Variants in IGSF10 observed in about 807,000 individuals in gnomAD.
IGSF10 encodes the protein calvaria mechanical force protein 608.
Under a neutral mutation model 128.2 loss-of-function variants are expected in IGSF10, and 126 were observed. That is an observed-to-expected ratio of 0.98 (90% confidence interval 0.85 to 1.14). The LOEUF (loss-of-function observed/expected upper bound fraction) is 1.14, where lower values mean the gene tolerates loss of function less well. IGSF10 is among the 50% of genes most tolerant of loss of function. The pLI, the probability that IGSF10 is intolerant of heterozygous loss-of-function variation, is 0.00. For synonymous variants in IGSF10, 1,185 were observed against 1,146.2 expected (o/e 1.03, Z -0.68); for missense variants, 3,295 against 3,149.8 (o/e 1.05, Z -1.10).
intron 7 of IGSF10, among the ~76,000 whole-genome samples, chr3:151,440,933 A>G (rs16863393): frequency 0.15 from 22,262 of 152,230 alleles, 1,777 homozygotes; most frequent in Middle Eastern, 0.2. Context: ...ATTCTGCTTC[A>G]ATAGGTCTCG....
Position 151,457,056 on chromosome 3 carries a change from G to A in IGSF10, c.294C>T (p.Asp98=), listed in dbSNP as rs768339005. The part of the protein sequence containing the change: ...LHSNGIHTIP[D]KTFSDLQALQ... The stretch of plus-strand genomic sequence containing the variant: ...AGGCCTGCAAATCTGAGAAGGTCTT[G>A]TCAGGGATTGTGTGAATGCCATTGC... Residue 98 remains aspartate (D), a synonymous_variant, in exon 4 of 8, where the codon GAC becomes GAT. Coordinates refer to ENST00000282466, the MANE Select transcript of IGSF10 (RefSeq NM_178822.5). 3 of 1,614,152 alleles carry A rather than the reference G, an allele frequency of 1.9e-6. No individual in the cohort carries two copies. In the South Asian group the frequency reaches 3.3e-5, roughly 18 times the overall value.
chr3:151,442,892 C>T (rs1287056930), intron 7 of IGSF10, 92 bp downstream of exon 7: 45 of 1,146,038 alleles, frequency 3.9e-5, no homozygotes, highest in Non-Finnish European at 5.1e-5. Context: ...TCTAAAACTG[C>T]TGCTAGCCTC....
At chr3:151,510,098 G>A in the IGSF10 span, among the ~76,000 whole-genome samples, 1 of 152,210 alleles carries the variant, frequency 6.6e-6, no homozygotes, top group Non-Finnish European at 1.5e-5. Flanking sequence ...AGACTTAAAT[G>A]TCCCTGTCTG....
chr3:151,569,447 A>C, the IGSF10 span, among the ~76,000 whole-genome samples: 26 of 152,276 alleles, frequency 1.7e-4, no homozygotes, highest in Middle Eastern at 0.01. Flanking sequence ...GGATTGTAGG[A>C]AATGTAGTTC....
chr3:151,498,881 C>T, the IGSF10 span, among the ~76,000 whole-genome samples: 1 of 152,004 alleles, frequency 6.6e-6, no homozygotes, highest in Non-Finnish European at 1.5e-5. Context: ...AAGTTTCGCT[C>T]AATACAGGAT....
upstream of IGSF10, among the ~76,000 whole-genome samples, chr3:151,462,333 C>A (rs1298867996): frequency 6.6e-6 from 1 of 152,134 alleles, no homozygotes; most frequent in Non-Finnish European, 1.5e-5. Flanking sequence ...CCATCCCAGA[C>A]CCACTGATTC....
chr3:151,528,659 T>C, the IGSF10 span, among the ~76,000 whole-genome samples: 3 of 152,194 alleles, frequency 2.0e-5, no homozygotes, highest in East Asian at 3.9e-4. Flanking sequence ...CCGGGAGGAA[T>C]GGTACCCAGA....
chr3:151,505,314 GCCCTTTATAAAA>G, the IGSF10 span, among the ~76,000 whole-genome samples: 70 of 152,208 alleles, frequency 4.6e-4, no homozygotes, highest in African/African-American at 1.7e-3. Context: ...GAAGGGGGAA[GCCCTTTATAAAA>G]CCATCAGATC....
the IGSF10 span, among the ~76,000 whole-genome samples, chr3:151,488,927 GACTGACACACAAAAAGCAATGGCAACAA>G: frequency 6.6e-6 from 1 of 152,188 alleles, no homozygotes; most frequent in Non-Finnish European, 1.5e-5. Flanking sequence ...AAGACTTCAT[GACTGACACACAAAAAGCAATGGCAACAA>G]AAGCCAAAAT....
At chr3:151,528,709 G>A in the IGSF10 span, among the ~76,000 whole-genome samples, 2 of 152,138 alleles carry the variant, frequency 1.3e-5, no homozygotes, top group Non-Finnish European at 2.9e-5. Context: ...GGCAGACCAG[G>A]AGATTCCCTC....
chr3:151,526,377 A>G, the IGSF10 span, among the ~76,000 whole-genome samples: 1 of 150,126 alleles, frequency 6.7e-6, no homozygotes, highest in African/African-American at 2.4e-5. Context: ...AATCTTTAGT[A>G]TATTTCAGCG....
At chr3:151,563,697 C>T in the IGSF10 span, among the ~76,000 whole-genome samples, 1 of 151,806 alleles carries the variant, frequency 6.6e-6, no homozygotes, top group Non-Finnish European at 1.5e-5. Context: ...GTTGAATTTG[C>T]AGCGTTTAAA....
the IGSF10 span, among the ~76,000 whole-genome samples, chr3:151,557,366 C>T: frequency 5.9e-5 from 9 of 152,126 alleles, no homozygotes; most frequent in African/African-American, 2.2e-4. Context: ...GTGGTGCCAA[C>T]TCCAGTCTTC....
chr3:151,478,490 A>G, the IGSF10 span, among the ~76,000 whole-genome samples: 1 of 152,358 alleles, frequency 6.6e-6, no homozygotes, highest in African/African-American at 2.4e-5. Flanking sequence ...TTTCTTGTGC[A>G]GTATTCCATG....
At chr3:151,612,360 C>T in the IGSF10 span, among the ~76,000 whole-genome samples, 6 of 152,306 alleles carry the variant, frequency 3.9e-5, no homozygotes, top group African/African-American at 9.6e-5. Context: ...TCATAAAGGA[C>T]GTCTCATTGT....
At chr3:151,467,245 C>G in the IGSF10 span, among the ~76,000 whole-genome samples, 1 of 152,168 alleles carries the variant, frequency 6.6e-6, no homozygotes, top group Non-Finnish European at 1.5e-5. Context: ...ATTACCCTTT[C>G]ACCCTGAAGA....
Position 151,457,086 on chromosome 3 carries a change from A to G in IGSF10, c.264T>C (p.Leu88=). Residue 88 remains leucine (L), a synonymous_variant, in exon 4 of 8, where the codon CTT becomes CTC. Coordinates refer to ENST00000282466, the MANE Select transcript of IGSF10 (RefSeq NM_178822.5). ...SGLTKLELLM[L]HSNGIHTIPD... ...GGATTGTGTGAATGCCATTGCTGTG[A>G]AGCATGAGTAACTCCAGTTTGGTCA... is the stretch of plus-strand genomic sequence containing the variant. 1 of 1,614,158 alleles carries G rather than the reference A, an allele frequency of 6.2e-7. No homozygotes were observed.
At chr3:151,441,699 A>C (rs1437550751) in intron 7 of IGSF10, among the ~76,000 whole-genome samples, 1 of 150,938 alleles carries the variant, frequency 6.6e-6, no homozygotes, top group African/African-American at 2.4e-5. Flanking sequence ...TGCCACTTGC[A>C]AAAAAAAACC....
At chr3:151,618,704 C>G in the IGSF10 span, among the ~76,000 whole-genome samples, 3 of 144,634 alleles carry the variant, frequency 2.1e-5, no homozygotes, top group African/African-American at 7.7e-5. Flanking sequence ...CACTCCAGCC[C>G]GGGCAACAGA....
Sources: allele counts gnomAD v4.1 joint callset (sites outside exome capture counted in the v4.1 genomes callset), GRCh38; gene constraint gnomAD v4.1.1; transcripts MANE v1.5; gene names NCBI Gene and HGNC (gene_info 2026-07-23, HGNC 2026-07-21).